The following KCNN2 variants were observed in gnomAD, a reference collection of about 807,000 sequenced individuals.
The protein encoded by KCNN2 is potassium calcium-activated channel subfamily N member 2.
A neutral mutation model predicts 55.5 loss-of-function variants in KCNN2; 24 were observed. The observed-to-expected ratio is 0.43, with a 90% CI of 0.31 to 0.61. The LOEUF is 0.61. Ranked by LOEUF, KCNN2 falls within the 20% of genes least tolerant of loss-of-function variation. The probability of loss-of-function intolerance (pLI) is 0.08; values close to 1 mark genes in which losing one functional copy is unlikely to be tolerated. For synonymous variants in KCNN2, 431 were observed against 336.1 expected, an observed-to-expected ratio of 1.28 and a Z score of -3.09; for missense variants, 754 against 853.6, an observed-to-expected ratio of 0.88 and a Z score of 1.45.
chr5:114,111,173 C>A (rs537937474), intron 1 of KCNN2, among the ~76,000 whole-genome samples: 5 of 152,018 alleles, frequency 3.3e-5, no homozygotes, highest in East Asian at 1.9e-4. Context: ...AGAAATAACA[C>A]CACACGTCTA....
chr5:114,133,657 C>A (rs920972046), intron 1 of KCNN2, among the ~76,000 whole-genome samples: 1 of 152,128 alleles, frequency 6.6e-6, no homozygotes, highest in Non-Finnish European at 1.5e-5. Context: ...ACTTTGTGAT[C>A]TGTAAAAGCT....
Position 114,067,558 on chromosome 5 carries a change from T to C in KCNN2, c.-271+11058T>C, listed in dbSNP as rs1312454866. Among the ~76,000 whole-genome samples the C allele has an allele frequency of 3.3e-5, 5 of 152,370 alleles. 1 individual carries two copies. In the South Asian group the frequency reaches 6.2e-4, roughly 19 times the overall value. The stretch of plus-strand genomic sequence containing the variant: ...CCTATCATAGCTAAATTTGGTATTT[T>C]TATTCCTTTTAAGATTCTAGTCAGA... On this transcript the variant is annotated intron_variant, in intron 1 of 10. Coordinates refer to the KCNN2 transcript ENST00000512097.
At chr5:114,422,384 C>T (rs1759496947) in intron 3 of KCNN2, among the ~76,000 whole-genome samples, 1 of 152,074 alleles carries the variant, frequency 6.6e-6, no homozygotes, top group Non-Finnish European at 1.5e-5. Flanking sequence ...TCTGTGAGGA[C>T]ACAGAGAGAA....
intron 1 of KCNN2, among the ~76,000 whole-genome samples, chr5:114,193,105 A>G (rs898681640): frequency 1.3e-5 from 2 of 152,142 alleles, no homozygotes; most frequent in Admixed American, 6.6e-5. Context: ...TTTATCTGAA[A>G]TTCAAATTTA....
At chr5:114,477,044 A>AAATTC (rs377392378) in intron 5 of KCNN2, among the ~76,000 whole-genome samples, 330 of 152,330 alleles carry the variant, frequency 2.2e-3, no homozygotes, top group African/African-American at 7.6e-3. Context: ...TTAAAAGTAA[A>AAATTC]TAGAGATCTA....
chr5:114,299,564 T>A (rs566979286), intron 2 of KCNN2, among the ~76,000 whole-genome samples: 15 of 152,342 alleles, frequency 9.8e-5, no homozygotes, highest in African/African-American at 3.6e-4. Flanking sequence ...TAGGTACTAA[T>A]GTATACTGCT....
Position 114,363,058 on chromosome 5 carries a change from GGCGGTGGCGGGAGCGGGCACGGCAGCA to G in KCNN2, c.922_948del (p.Gly308_Ser316del), listed in dbSNP as rs764780462. On this transcript the variant is annotated inframe_deletion, in exon 1 of 8. Coordinates refer to ENST00000673685, the MANE Select transcript of KCNN2 (RefSeq NM_021614.4). ...CGGAGGCAGCACTGGAGGAGGCGGC[GGCGGTGGCGGGAGCGGGCACGGCAGCA>G]GCAGTGGCACCAAGTCCAGCAAAAA... The G allele has an allele frequency of 1.9e-6, 3 of 1,608,360 alleles. No individual in the cohort carries two copies. Among genetic ancestry groups the G allele is most frequent in the South Asian group, 1.1e-5 (1 of 90,938 alleles).
chr5:114,448,385 CTG>C (rs1760507181), intron 3 of KCNN2, among the ~76,000 whole-genome samples: 2 of 152,196 alleles, frequency 1.3e-5, no homozygotes, highest in South Asian at 2.1e-4. Context: ...GTTCACTACA[CTG>C]TGCTCCTCCT....
At chr5:114,481,213 G>A (rs56976419) in intron 5 of KCNN2, among the ~76,000 whole-genome samples, 7,632 of 152,082 alleles carry the variant, frequency 0.05, 599 homozygotes, top group African/African-American at 0.17. Flanking sequence ...CAACAGGCAA[G>A]CAGAGAGCCA....
At chr5:114,111,438 A>G (rs527582108) in intron 1 of KCNN2, among the ~76,000 whole-genome samples, 2 of 152,334 alleles carry the variant, frequency 1.3e-5, no homozygotes, top group African/African-American at 4.8e-5. Flanking sequence ...CTTCATGACT[A>G]AAACACGAAA....
intron 5 of KCNN2, among the ~76,000 whole-genome samples, chr5:114,484,057 A>G (rs1762346372): frequency 6.6e-6 from 1 of 152,190 alleles, no homozygotes; most frequent in South Asian, 2.1e-4. Flanking sequence ...CCTTTGGTTG[A>G]TAAATACGTG....
intron 2 of KCNN2, among the ~76,000 whole-genome samples, chr5:114,306,009 T>A (rs1208113087): frequency 6.6e-6 from 1 of 152,232 alleles, no homozygotes; most frequent in Non-Finnish European, 1.5e-5. Flanking sequence ...TGTCATCAAC[T>A]GTAGTGAAAC....
chr5:114,286,064 C>T (rs973336542), intron 2 of KCNN2, among the ~76,000 whole-genome samples: 6 of 151,998 alleles, frequency 3.9e-5, no homozygotes, highest in African/African-American at 9.7e-5. Context: ...GGATTACAGG[C>T]ATGTGCCACC....
intron 5 of KCNN2, among the ~76,000 whole-genome samples, chr5:114,480,184 C>T (rs891268274): frequency 6.6e-6 from 1 of 152,076 alleles, no homozygotes; most frequent in Non-Finnish European, 1.5e-5. Flanking sequence ...GATATTACCA[C>T]TGACCCTACA....
intron 1 of KCNN2, among the ~76,000 whole-genome samples, chr5:114,089,126 A>G (rs577000518): frequency 1.1e-4 from 16 of 152,100 alleles, no homozygotes; most frequent in African/African-American, 2.4e-4. Flanking sequence ...TTCTTTTTAT[A>G]TCTTGTAACT....
At chr5:114,186,715 A>G (rs1753341966) in intron 1 of KCNN2, among the ~76,000 whole-genome samples, 1 of 152,192 alleles carries the variant, frequency 6.6e-6, no homozygotes, top group Non-Finnish European at 1.5e-5. Context: ...ATAAAAATGG[A>G]CTTAAGAAGA....
intron 2 of KCNN2, among the ~76,000 whole-genome samples, chr5:114,303,934 C>G (rs1289241416): frequency 6.6e-6 from 1 of 152,156 alleles, no homozygotes. Flanking sequence ...GAGATGTCCT[C>G]TTGGCAGGTG....
At chr5:114,158,491 T>C (rs1338864551) in intron 1 of KCNN2, among the ~76,000 whole-genome samples, 3 of 152,096 alleles carry the variant, frequency 2.0e-5, no homozygotes, top group Non-Finnish European at 4.4e-5. Context: ...TGCAGGCTCT[T>C]TTTTGGTTCC....
chr5:114,450,135 G>A (rs965019177), intron 3 of KCNN2, among the ~76,000 whole-genome samples: 4 of 152,208 alleles, frequency 2.6e-5, no homozygotes, highest in Non-Finnish European at 5.9e-5. Context: ...CCGTCAGCTG[G>A]CCGCTACCCA....
Sources: gnomAD v4.1 joint callset for allele counts (sites outside exome capture counted in the v4.1 genomes callset) on GRCh38, gnomAD v4.1.1 for gene constraint, MANE v1.5 for transcripts, NCBI Gene and HGNC (gene_info 2026-07-23, HGNC 2026-07-21) for gene names.